PKP2: variants seen among roughly 807,000 people sequenced by gnomAD.
PKP2 encodes plakophilin 2, also known as plakophilin-2.
PKP2 carries 73 observed loss-of-function variants against 83.4 expected under a neutral mutation model. The observed-to-expected ratio is 0.88, with a 90% confidence interval of 0.72 to 1.06. The LOEUF is 1.06. Ranked by LOEUF, PKP2 falls within the 50% of genes least tolerant of loss-of-function variation. The pLI is 0.00. For missense variants in PKP2, 966 were observed against 1,065.4 expected, an observed-to-expected ratio of 0.91 and a Z score of 1.30; for synonymous variants, 409 against 430.4, an observed-to-expected ratio of 0.95 and a Z score of 0.62.
At chr12:32,792,978 G>T in intron 11 of PKP2, 1 of 474,926 alleles carries the variant, frequency 2.1e-6, no homozygotes. Flanking sequence ...AGGCCAGGTG[G>T]GGTGGCTCAC....
rs934630363 is a variant in PKP2 at position 32,791,019 on chromosome 12, C to T, written c.*1405G>A. On this transcript the variant is annotated 3_prime_UTR_variant, in exon 13 of 13. Transcript: ENST00000340811. ...TTCAAATATAATAAAGACTTAAGTA[C>T]ACATTCAAAATTTATTTTCTGTTAC... 3.3e-5 allele frequency: 5 copies of T among 151,856 alleles called. No individual in the cohort carries two copies. Among genetic ancestry groups the T allele is most frequent in the Non-Finnish European group, 4.4e-5 (3 of 68,000 alleles). 9.4% of individuals were successfully genotyped at this position (151,856 alleles called of 1,614,324 possible). A position where few individuals can be genotyped will look rare whatever the true frequency, so the allele number is the denominator to read the frequency against.
At chr12:32,856,051 A>G (rs988482821) in intron 4 of PKP2, among the ~76,000 whole-genome samples, 1 of 152,160 alleles carries the variant, frequency 6.6e-6, no homozygotes, top group African/African-American at 2.4e-5. Context: ...GAACAAAACC[A>G]AAATGATAAT....
chr12:32,833,983 G>C, intron 6 of PKP2, among the ~76,000 whole-genome samples: 1 of 152,098 alleles, frequency 6.6e-6, no homozygotes, highest in East Asian at 1.9e-4. Context: ...TATGACTACA[G>C]TATTTAAGAA....
chr12:32,841,015 C>T lies in PKP2; in HGVS notation c.1556+13G>A. 6.2e-7 allele frequency: 1 copy of T among 1,606,870 alleles called. No individual in the cohort carries two copies. Among genetic ancestry groups the T allele is most frequent in the Non-Finnish European group, 8.5e-7 (1 of 1,174,892 alleles). On this transcript the variant is annotated intron_variant, in intron 6 of 12. Transcript: ENST00000340811. ...TTGCATCTTCTATCAGGGCAGGGTA[C>T]AGGTAGCATTACCTTAGGCATCCAG...
intron 4 of PKP2, among the ~76,000 whole-genome samples, chr12:32,851,245 T>C (rs1359479164): frequency 6.6e-6 from 1 of 152,154 alleles, no homozygotes; most frequent in Non-Finnish European, 1.5e-5. Context: ...GCATAGGTAC[T>C]AGTTAAACAA....
chr12:32,798,262 AT>A (rs143592993), intron 10 of PKP2, among the ~76,000 whole-genome samples: 20,860 of 131,726 alleles, frequency 0.16, 1,666 homozygotes, highest in African/African-American at 0.25. Context: ...TTTTTTGTAT[AT>A]TTTTTTTTTC....
chr12:32,836,129 T>C (rs193002205), intron 6 of PKP2, among the ~76,000 whole-genome samples: 41 of 152,330 alleles, frequency 2.7e-4, no homozygotes, highest in Admixed American at 1.1e-3. Context: ...TAAGCTAGTG[T>C]AGTATTACTT....
At chr12:32,817,860 A>T (rs1248891789) in intron 9 of PKP2, among the ~76,000 whole-genome samples, 1 of 152,202 alleles carries the variant, frequency 6.6e-6, no homozygotes, top group Non-Finnish European at 1.5e-5. Context: ...GCACAGCAGA[A>T]AGTGAGCAGT....
intron 1 of PKP2, among the ~76,000 whole-genome samples, chr12:32,888,585 G>T (rs1957051327): frequency 1.3e-5 from 2 of 151,538 alleles, no homozygotes; most frequent in East Asian, 3.9e-4. Context: ...CACTTCCCGG[G>T]TTCAAGTGAT....
chr12:32,870,798 A>C (rs76045903), intron 3 of PKP2, among the ~76,000 whole-genome samples: 22,553 of 152,122 alleles, frequency 0.15, 1,823 homozygotes, highest in Middle Eastern at 0.22. Context: ...AGATTGAGCC[A>C]TTAATCCATT....
At chr12:32,872,402 C>T (rs1035675483) in intron 3 of PKP2, among the ~76,000 whole-genome samples, 5 of 152,112 alleles carry the variant, frequency 3.3e-5, no homozygotes, top group South Asian at 2.1e-4. Context: ...GGCGTGGTGG[C>T]GGGCACCTGT....
At chr12:32,889,248 G>A (rs192053314) in intron 1 of PKP2, among the ~76,000 whole-genome samples, 8 of 152,288 alleles carry the variant, frequency 5.3e-5, no homozygotes, top group African/African-American at 1.4e-4. Flanking sequence ...CAGGGATGAA[G>A]TTTGAGAAGT....
chr12:32,855,946 T>C (rs1470187875), intron 4 of PKP2, among the ~76,000 whole-genome samples: 1 of 152,054 alleles, frequency 6.6e-6, no homozygotes, highest in Non-Finnish European at 1.5e-5. Context: ...TATTTCGATT[T>C]AAAAATCGAA....
rs558729641 is a variant in PKP2, at chr12:32,859,071, C to G, written c.1171-8098G>C. On this transcript the variant is annotated intron_variant, in intron 4 of 12. Coordinates refer to ENST00000340811, the MANE Select transcript of PKP2 (RefSeq NM_001005242.3). ...ACCAGTTGAGTTACATGTTTACCAA[C>G]AGTAATTTAGGTTTGCTTCCCAGGG... Among the ~76,000 whole-genome samples the G allele has an allele frequency of 2.6e-5, 4 of 152,286 alleles. No individual in the cohort carries two copies. The East Asian group carries it at 7.7e-4, about 29-fold the overall frequency.
At chr12:32,792,527 C>A (rs774615085) in intron 12 of PKP2, 35 bp from the exon 13 acceptor site, 1 of 1,591,868 alleles carries the variant, frequency 6.3e-7, no homozygotes, top group South Asian at 1.1e-5. Flanking sequence ...TGAAAGGTAA[C>A]AAAACTGGCA....
chr12:32,816,042 A>G (rs1956316084), intron 9 of PKP2, among the ~76,000 whole-genome samples: 2 of 152,206 alleles, frequency 1.3e-5, no homozygotes, highest in Non-Finnish European at 2.9e-5. Flanking sequence ...TTGATCATTA[A>G]TGAGGTTGAA....
chr12:32,804,910 T>TC (rs1367675548), intron 9 of PKP2, among the ~76,000 whole-genome samples: 1 of 152,244 alleles, frequency 6.6e-6, no homozygotes, highest in Non-Finnish European at 1.5e-5. Flanking sequence ...TAATTTGCAC[T>TC]CCCACCAATG....
intron 9 of PKP2, 99 bp downstream of exon 9, chr12:32,821,257 A>C: frequency 8.9e-7 from 1 of 1,117,658 alleles, no homozygotes; most frequent in Non-Finnish European, 1.3e-6. Flanking sequence ...AAAATAAGAA[A>C]CCTTTTTCTC....
chr12:32,795,282 C>A (rs11052236), intron 11 of PKP2, among the ~76,000 whole-genome samples: 1 of 151,128 alleles, frequency 6.6e-6, no homozygotes, highest in Non-Finnish European at 1.5e-5. Context: ...GAATAAGATG[C>A]GGAAGAGATA....
Sources: allele counts gnomAD v4.1 joint callset (sites outside exome capture counted in the v4.1 genomes callset), GRCh38; gene constraint gnomAD v4.1.1; transcripts MANE v1.5; gene names NCBI Gene and HGNC (gene_info 2026-07-23, HGNC 2026-07-21).